The following FRMD4A variants were observed in gnomAD, a reference collection of about 807,000 sequenced individuals.
FRMD4A encodes FERM domain containing 4A.
FRMD4A carries 29 observed loss-of-function variants against 129.1 expected under a neutral mutation model. The ratio of observed to expected loss-of-function variants is 0.22; its 90% confidence interval spans 0.17 to 0.31. FRMD4A has a LOEUF of 0.31. Among genes scored for constraint, FRMD4A ranks in the 10% least tolerant of loss-of-function variants. The pLI is 1.00. For missense variants in FRMD4A, 1,272 were observed against 1,375.8 expected, an observed-to-expected ratio of 0.92 and a Z score of 1.19; for synonymous variants, 634 against 571.6, an observed-to-expected ratio of 1.11 and a Z score of -1.56.
At chr10:13,970,574 C>T (rs1318147894) in intron 2 of FRMD4A, among the ~76,000 whole-genome samples, 1 of 152,100 alleles carries the variant, frequency 6.6e-6, no homozygotes, top group Non-Finnish European at 1.5e-5. Context: ...AGAGGGAGGG[C>T]CAAAACCACT....
At chr10:13,719,552 T>A (rs1216956066) in intron 12 of FRMD4A, among the ~76,000 whole-genome samples, 1 of 152,174 alleles carries the variant, frequency 6.6e-6, no homozygotes, top group East Asian at 1.9e-4. Flanking sequence ...GGGCACAGCA[T>A]GTTCTGGCTG....
At chr10:14,149,990 T>C (rs1341145026) in intron 2 of FRMD4A, among the ~76,000 whole-genome samples, 2 of 152,268 alleles carry the variant, frequency 1.3e-5, no homozygotes, top group East Asian at 1.9e-4. Context: ...CTTATAATCA[T>C]GGTGGAAGGT....
chr10:14,020,902 A>T (rs1431114778), intron 2 of FRMD4A, among the ~76,000 whole-genome samples: 2 of 152,152 alleles, frequency 1.3e-5, no homozygotes, highest in African/African-American at 4.8e-5. Context: ...GCAGCAGGCG[A>T]CTTAAAACAG....
At chr10:14,303,997 T>C (rs938352287) in intron 2 of FRMD4A, among the ~76,000 whole-genome samples, 2 of 152,206 alleles carry the variant, frequency 1.3e-5, no homozygotes, top group Admixed American at 6.5e-5. Flanking sequence ...TAATATTCCA[T>C]TTTACATATA....
chr10:14,229,720 C>T (rs888459990), intron 2 of FRMD4A, among the ~76,000 whole-genome samples: 5 of 152,118 alleles, frequency 3.3e-5, no homozygotes, highest in East Asian at 3.8e-4. Context: ...ATTACAGGTG[C>T]GAGCTACTGA....
intron 12 of FRMD4A, among the ~76,000 whole-genome samples, chr10:13,714,251 C>A (rs756808164): frequency 5.3e-5 from 8 of 149,898 alleles, no homozygotes; most frequent in African/African-American, 2.0e-4. Context: ...TTAGTAGAGA[C>A]GGGGTTTCAT....
chr10:14,039,403 C>CTATCTATCTATCTATCTATCT (rs1565204547), intron 2 of FRMD4A, among the ~76,000 whole-genome samples: 39 of 141,404 alleles, frequency 2.8e-4, no homozygotes, highest in African/African-American at 1.1e-3. Flanking sequence ...TCCATCCATC[C>CTATCTATCTATCTATCTATCT]ATCCATCTAT....
At chr10:13,973,390 T>C (rs2095528481) in intron 2 of FRMD4A, among the ~76,000 whole-genome samples, 1 of 152,220 alleles carries the variant, frequency 6.6e-6, no homozygotes, top group Non-Finnish European at 1.5e-5. Context: ...TTCTCTATGT[T>C]GCCCAGGCTG....
intron 2 of FRMD4A, among the ~76,000 whole-genome samples, chr10:14,203,533 G>C (rs1842698533): frequency 1.3e-5 from 2 of 152,178 alleles, no homozygotes; most frequent in African/African-American, 4.8e-5. Flanking sequence ...CAAGTGTCTG[G>C]CTTTTGCCCT....
At chr10:14,081,001 A>C (rs1047209706) in intron 2 of FRMD4A, among the ~76,000 whole-genome samples, 1 of 152,058 alleles carries the variant, frequency 6.6e-6, no homozygotes, top group African/African-American at 2.4e-5. Flanking sequence ...GCACTGTCCT[A>C]ACTAAATCAC....
At chr10:13,998,564 C>A (rs7478262) in intron 2 of FRMD4A, among the ~76,000 whole-genome samples, 1 of 151,904 alleles carries the variant, frequency 6.6e-6, no homozygotes, top group East Asian at 1.9e-4. Flanking sequence ...CAGTCTCTCC[C>A]GCCCAGGCTG....
chr10:14,073,018 A>T (rs1166619771), intron 2 of FRMD4A, among the ~76,000 whole-genome samples: 3 of 151,446 alleles, frequency 2.0e-5, no homozygotes, highest in Non-Finnish European at 2.9e-5. Flanking sequence ...AGCCAAAAAG[A>T]AGGGATAAAA....
chr10:13,918,861 TTTTTG>T (rs2095038652), intron 2 of FRMD4A, among the ~76,000 whole-genome samples: 1 of 150,782 alleles, frequency 6.6e-6, no homozygotes, highest in African/African-American at 2.4e-5. Context: ...GCAAAATGGT[TTTTTG>T]TAAGAAAAAA....
chr10:14,125,349 G>A (rs192891792), intron 2 of FRMD4A, among the ~76,000 whole-genome samples: 9 of 152,142 alleles, frequency 5.9e-5, no homozygotes, highest in African/African-American at 2.2e-4. Context: ...CATGGAAGGG[G>A]GTGCGTGTAT....
intron 2 of FRMD4A, among the ~76,000 whole-genome samples, chr10:13,929,336 T>G (rs1459873760): frequency 6.6e-6 from 1 of 152,226 alleles, no homozygotes; most frequent in African/African-American, 2.4e-5. Flanking sequence ...AAGACCACCC[T>G]GAGCTGGAGG....
intron 2 of FRMD4A, among the ~76,000 whole-genome samples, chr10:14,172,486 T>C (rs962946397): frequency 2.0e-5 from 3 of 152,208 alleles, no homozygotes; most frequent in African/African-American, 7.2e-5. Flanking sequence ...GTCCTGATTA[T>C]TTGCATAGGA....
intron 2 of FRMD4A, among the ~76,000 whole-genome samples, chr10:13,928,924 G>A (rs779598391): frequency 2.0e-4 from 30 of 152,296 alleles, no homozygotes; most frequent in Admixed American, 3.9e-4. Context: ...AATGTCACAT[G>A]GAATTCTCAG....
At chr10:14,165,015 T>A (rs1420114332) in intron 2 of FRMD4A, among the ~76,000 whole-genome samples, 1 of 152,108 alleles carries the variant, frequency 6.6e-6, no homozygotes, top group Non-Finnish European at 1.5e-5. Flanking sequence ...TTCTAAAAAA[T>A]TATCTTTATA....
chr10:14,325,508 C>A (rs1161592888), intron 2 of FRMD4A, among the ~76,000 whole-genome samples: 3 of 152,238 alleles, frequency 2.0e-5, no homozygotes. Flanking sequence ...CTTGCTTGAA[C>A]TTCAAGAACA....
Sources: gnomAD v4.1 joint callset for allele counts (sites outside exome capture counted in the v4.1 genomes callset) on GRCh38, gnomAD v4.1.1 for gene constraint, MANE v1.5 for transcripts, NCBI Gene and HGNC (gene_info 2026-07-23, HGNC 2026-07-21) for gene names.